The following BMPR1B variants were observed in gnomAD, a reference collection of about 807,000 sequenced individuals.
BMPR1B encodes bone morphogenetic protein receptor type 1B, also known as bone morphogenetic protein receptor type-1B.
Under a neutral mutation model 59.1 loss-of-function variants are expected in BMPR1B, and 12 were observed. That is an observed-to-expected ratio of 0.20 (90% CI 0.13 to 0.33). The LOEUF is 0.33. Among genes scored for constraint, BMPR1B ranks in the 10% least tolerant of loss-of-function variants. BMPR1B has a pLI of 1.00. For synonymous variants in BMPR1B, 237 were observed against 207.3 expected (o/e 1.14, Z -1.23); for missense variants, 550 against 610.9 (o/e 0.90, Z 1.05).
chr4:94,929,170 A>G (rs1284887305), intron 2 of BMPR1B, among the ~76,000 whole-genome samples: 1 of 152,050 alleles, frequency 6.6e-6, no homozygotes, highest in Admixed American at 6.6e-5. Context: ...ACTTCTCTTA[A>G]TTTCCACTGA....
chr4:94,987,102 TATATGTATATATA>T (rs36110011), intron 2 of BMPR1B, among the ~76,000 whole-genome samples: 1 of 806 alleles, frequency 1.2e-3, no homozygotes, highest in Non-Finnish European at 3.8e-3. Context: ...ATATATACTA[TATATGTATATATA>T]ATATGTATAT....
At chr4:95,071,077 A>G (rs990097318) in intron 3 of BMPR1B, among the ~76,000 whole-genome samples, 10 of 152,150 alleles carry the variant, frequency 6.6e-5, no homozygotes, top group Admixed American at 2.6e-4. Context: ...GTATGTATGT[A>G]TCTGTTTCAT....
chr4:94,941,481 ATATTTAGCAGT>A (rs1311139909), intron 2 of BMPR1B, among the ~76,000 whole-genome samples: 35 of 152,254 alleles, frequency 2.3e-4, no homozygotes, highest in African/African-American at 8.2e-4. Context: ...GAATGAATAA[ATATTTAGCAGT>A]TGAAAATAGT....
At chr4:94,950,036 G>A (rs111765212) in intron 2 of BMPR1B, among the ~76,000 whole-genome samples, 1 of 152,282 alleles carries the variant, frequency 6.6e-6, no homozygotes, top group African/African-American at 2.4e-5. Flanking sequence ...TTTCTCTAAT[G>A]ACCAGTGATG....
chr4:94,820,471 A>G (rs1169383574), intron 1 of BMPR1B, among the ~76,000 whole-genome samples: 2 of 152,166 alleles, frequency 1.3e-5, no homozygotes, highest in Non-Finnish European at 2.9e-5. Flanking sequence ...TGCTTTGTTC[A>G]TTGTTTATTC....
At chr4:95,029,448 T>C (rs550879849) in intron 3 of BMPR1B, among the ~76,000 whole-genome samples, 49 of 152,196 alleles carry the variant, frequency 3.2e-4, no homozygotes, top group African/African-American at 1.1e-3. Context: ...TATGGCTGCA[T>C]AGTATTCCAT....
chr4:94,799,107 C>T (rs546110958), intron 1 of BMPR1B, among the ~76,000 whole-genome samples: 5 of 149,920 alleles, frequency 3.3e-5, no homozygotes, highest in East Asian at 3.9e-4. Context: ...CAATGGCTAG[C>T]CCTCATAGTA....
chr4:94,833,827 T>G (rs575151440), intron 1 of BMPR1B, among the ~76,000 whole-genome samples: 2 of 151,974 alleles, frequency 1.3e-5, no homozygotes, highest in South Asian at 4.1e-4. Context: ...TAGGAGTGAA[T>G]GAACTGATCT....
chr4:95,112,605 T>C (rs969481093), intron 4 of BMPR1B, among the ~76,000 whole-genome samples: 9 of 152,134 alleles, frequency 5.9e-5, no homozygotes, highest in Admixed American at 1.3e-4. Flanking sequence ...TCGCCTCCTT[T>C]CTTGTCTTCC....
intron 1 of BMPR1B, among the ~76,000 whole-genome samples, chr4:94,825,510 TAAAAA>T (rs1724351916): frequency 6.6e-6 from 1 of 151,922 alleles, no homozygotes; most frequent in African/African-American, 2.4e-5. Flanking sequence ...GTCTCAAAAG[TAAAAA>T]CAAAACAAAA....
chr4:95,137,758 G>C (rs1733907616), intron 10 of BMPR1B, among the ~76,000 whole-genome samples: 1 of 152,018 alleles, frequency 6.6e-6, no homozygotes. Flanking sequence ...CCATTTGCTT[G>C]GTACATCTTC....
intron 2 of BMPR1B, among the ~76,000 whole-genome samples, chr4:94,947,621 G>A (rs745633978): frequency 1.3e-5 from 2 of 152,204 alleles, no homozygotes; most frequent in Non-Finnish European, 2.9e-5. Flanking sequence ...TTTGTTGATT[G>A]AAGTAAAGCG....
intron 1 of BMPR1B, among the ~76,000 whole-genome samples, chr4:94,778,265 T>A (rs890208448): frequency 6.6e-6 from 1 of 152,120 alleles, no homozygotes; most frequent in Non-Finnish European, 1.5e-5. Context: ...CACTGGTTTT[T>A]AAAAAATAAT....
intron 1 of BMPR1B, among the ~76,000 whole-genome samples, chr4:94,772,787 A>G (rs778723344): frequency 8.5e-5 from 13 of 152,156 alleles, no homozygotes; most frequent in Non-Finnish European, 1.6e-4. Flanking sequence ...TACTGGATTT[A>G]ACGATGTGAC....
intron 2 of BMPR1B, among the ~76,000 whole-genome samples, chr4:94,943,972 C>A (rs1217563375): frequency 6.6e-6 from 1 of 152,106 alleles, no homozygotes. Flanking sequence ...AAAACCCTAA[C>A]CCTTTTGAGT....
intron 1 of BMPR1B, among the ~76,000 whole-genome samples, chr4:94,821,422 AGATAT>A (rs1724204145): frequency 6.6e-6 from 1 of 152,152 alleles, no homozygotes; most frequent in African/African-American, 2.4e-5. Context: ...GAGCATATAT[AGATAT>A]GATATATGCA....
At chr4:94,804,572 A>G (rs1418983120) in intron 1 of BMPR1B, among the ~76,000 whole-genome samples, 2 of 149,946 alleles carry the variant, frequency 1.3e-5, no homozygotes, top group Non-Finnish European at 3.0e-5. Flanking sequence ...AACTTTTCAT[A>G]TAACTTTCTT....
intron 1 of BMPR1B, among the ~76,000 whole-genome samples, chr4:94,784,054 A>G (rs1722677623): frequency 6.6e-6 from 1 of 152,188 alleles, no homozygotes; most frequent in South Asian, 2.1e-4. Context: ...GCTTCCTTGA[A>G]TTAATGTTTC....
At chr4:95,129,137 A>T (rs1350521874) in intron 8 of BMPR1B, among the ~76,000 whole-genome samples, 1 of 152,192 alleles carries the variant, frequency 6.6e-6, no homozygotes, top group Non-Finnish European at 1.5e-5. Flanking sequence ...CATGAAAAGT[A>T]TTCTGCAAAT....
Sources: allele counts gnomAD v4.1 joint callset (sites outside exome capture counted in the v4.1 genomes callset), GRCh38; gene constraint gnomAD v4.1.1; transcripts MANE v1.5; gene names NCBI Gene and HGNC (gene_info 2026-07-23, HGNC 2026-07-21).